The following FCHSD2 variants were observed in gnomAD, a reference collection of about 807,000 sequenced individuals.
FCHSD2 encodes F-BAR and double SH3 domains protein 2.
Under a neutral mutation model 108.1 loss-of-function variants are expected in FCHSD2, and 38 were observed. The observed-to-expected ratio is 0.35, with a 90% CI of 0.27 to 0.46. The LOEUF (loss-of-function observed/expected upper bound fraction) is 0.46, where lower values mean the gene tolerates loss of function less well. FCHSD2 is among the 20% of genes least tolerant of loss of function. The pLI, the probability that FCHSD2 is intolerant of heterozygous loss-of-function variation, is 1.00. For synonymous variants in FCHSD2, 279 were observed against 314.7 expected, an observed-to-expected ratio of 0.89 and a Z score of 1.20; for missense variants, 751 against 897.8, an observed-to-expected ratio of 0.84 and a Z score of 2.09.
intron 14 of FCHSD2, 180 bp from the exon 15 acceptor site, chr11:72,843,712 A>C (rs1291630220): frequency 5.1e-6 from 3 of 587,388 alleles, no homozygotes; most frequent in Non-Finnish European, 9.0e-6. Flanking sequence ...TAAAAAACTA[A>C]ACAGAATAAA....
Position 72,950,749 on chromosome 11 carries a change from T to A in FCHSD2, c.706-28799A>T, listed in dbSNP as rs577731692. On this transcript the variant is annotated intron_variant, in intron 8 of 19. Coordinates refer to ENST00000409418, the MANE Select transcript of FCHSD2 (RefSeq NM_014824.3). ...TTTATAAGAATACTTAACTCCCACA[T>A]TATCATTTGGCTTCTCAGATATTTA... Among the ~76,000 whole-genome samples the A allele has an allele frequency of 5.6e-4, 85 of 152,372 alleles. 1 individual carries two copies. Among genetic ancestry groups the A allele is most frequent in the Admixed American group, 1.0e-3 (16 of 15,306 alleles).
intron 2 of FCHSD2, among the ~76,000 whole-genome samples, chr11:73,139,397 T>C (rs1861195080): frequency 6.6e-6 from 1 of 152,254 alleles, no homozygotes; most frequent in Admixed American, 6.5e-5. Context: ...TATTACAAGA[T>C]TGTTAAATAA....
intron 17 of FCHSD2, among the ~76,000 whole-genome samples, chr11:72,841,897 A>C (rs1860965725): frequency 6.6e-6 from 1 of 152,236 alleles, no homozygotes. Context: ...AACTTAGCAA[A>C]GAACAACAAC....
At chr11:72,862,645 C>T (rs779592168) in intron 13 of FCHSD2, among the ~76,000 whole-genome samples, 2 of 152,106 alleles carry the variant, frequency 1.3e-5, no homozygotes, top group Admixed American at 6.6e-5. Flanking sequence ...GTTAACATGG[C>T]AATGTTATCT....
intron 4 of FCHSD2, among the ~76,000 whole-genome samples, chr11:73,004,717 C>T (rs1227197352): frequency 1.3e-5 from 2 of 152,156 alleles, no homozygotes; most frequent in African/African-American, 2.4e-5. Flanking sequence ...CAGAATGTGG[C>T]TGGAGAAAAA....
chr11:72,851,185 T>G (rs1861279217), intron 13 of FCHSD2, among the ~76,000 whole-genome samples: 1 of 150,712 alleles, frequency 6.6e-6, no homozygotes, highest in South Asian at 2.1e-4. Context: ...GGTAGAAATG[T>G]GAATTCATAC....
intron 2 of FCHSD2, among the ~76,000 whole-genome samples, chr11:73,115,586 G>A (rs1038409970): frequency 3.3e-5 from 5 of 152,204 alleles, no homozygotes; most frequent in African/African-American, 1.2e-4. Flanking sequence ...AGTGAATAGG[G>A]AAGAGAGAAA....
chr11:73,126,443 T>A (rs558425425), intron 2 of FCHSD2, among the ~76,000 whole-genome samples: 1 of 148,232 alleles, frequency 6.7e-6, no homozygotes, highest in Non-Finnish European at 1.5e-5. Flanking sequence ...TACAACCAAC[T>A]GGAAACCAAT....
chr11:72,982,002 C>T (rs2135396765), intron 8 of FCHSD2, among the ~76,000 whole-genome samples: 1 of 152,276 alleles, frequency 6.6e-6, no homozygotes, highest in South Asian at 2.1e-4. Context: ...TATACTAAAA[C>T]ACCTAAACCT....
chr11:73,134,855 T>G (rs1861085766), intron 2 of FCHSD2, among the ~76,000 whole-genome samples: 1 of 151,906 alleles, frequency 6.6e-6, no homozygotes, highest in African/African-American at 2.4e-5. Flanking sequence ...TGGTTTTTGG[T>G]TTTTTTTGAG....
intron 8 of FCHSD2, among the ~76,000 whole-genome samples, chr11:72,966,811 C>T (rs912424783): frequency 4.6e-5 from 7 of 151,980 alleles, no homozygotes; most frequent in Non-Finnish European, 8.8e-5. Flanking sequence ...AAAAACCTGA[C>T]GCTAGAAGAA....
chr11:72,918,551 T>C (rs1353092696), intron 9 of FCHSD2, among the ~76,000 whole-genome samples: 3 of 152,164 alleles, frequency 2.0e-5, no homozygotes, highest in African/African-American at 4.8e-5. Flanking sequence ...TCTATTCTAG[T>C]TTGCTGAGTG....
intron 12 of FCHSD2, among the ~76,000 whole-genome samples, chr11:72,878,172 T>C (rs1855008353): frequency 6.6e-6 from 1 of 152,142 alleles, no homozygotes; most frequent in African/African-American, 2.4e-5. Context: ...ACAACTATTT[T>C]GGAGGCTGAG....
In FCHSD2 at chr11:72,992,623, T is replaced by C. The variant is rs989230603; in HGVS notation, c.388-3526A>G. 7.2e-5 allele frequency among the ~76,000 whole-genome samples: 11 copies of C among 152,296 alleles called. 1 individual carries two copies. Among genetic ancestry groups the C allele is most frequent in the Middle Eastern group, 6.8e-3 (2 of 294 alleles). On this transcript the variant is annotated intron_variant, in intron 5 of 19. Coordinates refer to ENST00000409418, the MANE Select transcript of FCHSD2 (RefSeq NM_014824.3). ...ATGCCACATATCTACAACTATCTGA[T>C]CTTTGACAAACCTGACAAAAACAAG...
At chr11:73,014,883 G>A (rs186204721) in intron 4 of FCHSD2, among the ~76,000 whole-genome samples, 3 of 151,310 alleles carry the variant, frequency 2.0e-5, no homozygotes, top group South Asian at 2.1e-4. Flanking sequence ...TCACTCTGTC[G>A]CCCAGGCTGG....
At chr11:72,943,814 A>T (rs1011909762) in intron 8 of FCHSD2, among the ~76,000 whole-genome samples, 1 of 152,356 alleles carries the variant, frequency 6.6e-6, no homozygotes, top group Admixed American at 6.5e-5. Context: ...AAGAAGTTTC[A>T]GTTAGCACAT....
intron 10 of FCHSD2, among the ~76,000 whole-genome samples, chr11:72,891,499 T>C (rs950323052): frequency 1.3e-5 from 2 of 152,230 alleles, no homozygotes; most frequent in African/African-American, 4.8e-5. Context: ...AGTTTGGGAA[T>C]GAACTTTACT....
At chr11:73,044,170 A>G (rs551034950) in intron 3 of FCHSD2, among the ~76,000 whole-genome samples, 1 of 152,276 alleles carries the variant, frequency 6.6e-6, no homozygotes, top group East Asian at 1.9e-4. Context: ...AAATCAAACA[A>G]AGAGACCATT....
chr11:72,887,486 T>C lies in FCHSD2; in HGVS notation c.1130A>G (p.Asn377Ser). 1 of 1,605,354 alleles carries C rather than the reference T, an allele frequency of 6.2e-7. No individual in the cohort carries two copies. The highest frequency in any genetic ancestry group is 1.3e-5 in the African/African-American group (1 of 74,490). Residue 377 changes from asparagine to serine, a missense_variant, in exon 12 of 20, where the codon AAT (asparagine) becomes AGT (serine). Asn to Ser is a conservative substitution (Grantham distance 46). Transcript: ENST00000409418. ...LEQKIDEARENIRKAEIIKLK... is the reference protein window; with the variant it reads ...LEQKIDEARESIRKAEIIKLK... ...CCACCTTACCTCTGCTTTACGAATA[T>C]TTTCTCTAGCTTCATCTATTTTCTG...
Sources: allele counts gnomAD v4.1 joint callset (sites outside exome capture counted in the v4.1 genomes callset), GRCh38; gene constraint gnomAD v4.1.1; transcripts MANE v1.5; gene names NCBI Gene and HGNC (gene_info 2026-07-23, HGNC 2026-07-21).